DCHS2: variants seen among roughly 807,000 people sequenced by gnomAD.
DCHS2 encodes dachsous cadherin-related 2, also known as protocadherin-23.
DCHS2 carries 142 observed loss-of-function variants against 182.4 expected under a neutral mutation model. That is an observed-to-expected ratio of 0.78 (90% CI 0.68 to 0.89). The LOEUF (loss-of-function observed/expected upper bound fraction) is 0.89. DCHS2 is among the 40% of genes least tolerant of loss of function. The pLI is 0.00. For synonymous variants in DCHS2, 1,740 were observed against 1,663.3 expected, an observed-to-expected ratio of 1.05 and a Z score of -1.12; for missense variants, 4,319 against 4,198.6, an observed-to-expected ratio of 1.03 and a Z score of -0.79.
intron 14 of DCHS2, among the ~76,000 whole-genome samples, chr4:154,264,878 A>C (rs893071491): frequency 1.3e-5 from 2 of 152,160 alleles, no homozygotes; most frequent in Non-Finnish European, 2.9e-5. Flanking sequence ...AAAAATACTA[A>C]TAATGCCTAA....
At chr4:154,479,626 G>A (rs775618775) in intron 1 of DCHS2, among the ~76,000 whole-genome samples, 15 of 152,146 alleles carry the variant, frequency 9.9e-5, no homozygotes, top group Non-Finnish European at 1.8e-4. Flanking sequence ...GAATACTATT[G>A]TGTTCCAAAA....
intron 1 of DCHS2, among the ~76,000 whole-genome samples, chr4:154,457,663 G>A (rs1734826819): frequency 6.6e-6 from 1 of 152,098 alleles, no homozygotes; most frequent in African/African-American, 2.4e-5. Context: ...TGTTACATCT[G>A]GCTTATAACA....
intron 13 of DCHS2, among the ~76,000 whole-genome samples, chr4:154,290,046 A>G (rs1734581556): frequency 6.6e-6 from 1 of 152,104 alleles, no homozygotes; most frequent in African/African-American, 2.4e-5. Flanking sequence ...GGAAAAACCT[A>G]AAGACTCCTC....
intron 17 of DCHS2, 50 bp downstream of exon 17, chr4:154,242,592 T>C: frequency 6.4e-7 from 1 of 1,574,574 alleles, no homozygotes; most frequent in Non-Finnish European, 8.6e-7. Context: ...AAATGGTAAA[T>C]GATATTATAC....
chr4:154,235,786 T>C lies in DCHS2; in HGVS notation c.8866A>G (p.Met2956Val), dbSNP rs1578832854. ...SQLNKEDTLE[M>V]KIIAHSPKSD... ...TTGGGACTATGAGCGATTATTTTCA[T>C]TTCCAAGGTGTCTTCTTTGTTGAGT... Residue 2956 changes from methionine (M) to valine (V), a missense_variant, in exon 20 of 20, where the codon ATG becomes GTG. Transcript: ENST00000357232. 3 of 1,614,022 alleles carry C rather than the reference T, an allele frequency of 1.9e-6. No homozygotes were observed. Among genetic ancestry groups the C allele is most frequent in the Non-Finnish European group, 2.5e-6 (3 of 1,179,960 alleles).
At chr4:154,254,186 A>G (rs1040732868) in intron 16 of DCHS2, among the ~76,000 whole-genome samples, 2 of 152,196 alleles carry the variant, frequency 1.3e-5, no homozygotes, top group African/African-American at 4.8e-5. Flanking sequence ...AAAACACAAC[A>G]TCTATCTAAA....
At chr4:154,265,322 A>G (rs997503011) in intron 14 of DCHS2, among the ~76,000 whole-genome samples, 1 of 152,212 alleles carries the variant, frequency 6.6e-6, no homozygotes, top group African/African-American at 2.4e-5. Flanking sequence ...TCTCTTTAAC[A>G]TGTAATGGTT....
chr4:154,234,579 C>T lies in DCHS2; in HGVS notation c.10073G>A (p.Gly3358Asp), dbSNP rs746521776. 3.7e-6 allele frequency: 6 copies of T among 1,613,532 alleles called. No homozygotes were observed. The highest frequency in any genetic ancestry group is 5.1e-6 in the Non-Finnish European group (6 of 1,179,794). ...EGELLGTHISGTCHELKAEDE... is the reference protein window; with the variant it reads ...EGELLGTHISDTCHELKAEDE... ...TTCTGCTTTAAGTTCATGGCATGTA[C>T]CACTGATGTGTGTTCCTAATAATTC... The change falls in exon 20 of 20, where the codon GGT becomes GAT. Residue 3358 changes from glycine to aspartate, a missense_variant. Transcript: ENST00000357232.
chr4:154,414,721 C>T (rs1421120799), intron 1 of DCHS2, among the ~76,000 whole-genome samples: 1 of 151,930 alleles, frequency 6.6e-6, no homozygotes, highest in Non-Finnish European at 1.5e-5. Flanking sequence ...GGGGATAGGC[C>T]TTTTCTTACA....
chr4:154,234,936 C>T lies in DCHS2; in HGVS notation c.9716G>A (p.Ser3239Asn), dbSNP rs992327289. ...AAGAGGTTGGAATTTGGGCTCCCAA[C>T]TAAGAAGATAATTCCAGTGATAGTT... ...KDNYHWNYLL[S>N]WEPKFQPLAS... The change falls in exon 20 of 20, where the codon AGT (serine) becomes AAT (asparagine). Residue 3239 changes from serine to asparagine, a missense_variant. Ser to Asn is a conservative substitution (Grantham distance 46). Coordinates refer to ENST00000357232, the MANE Select transcript of DCHS2 (RefSeq NM_001358235.2). 11 of 1,614,010 alleles carry T rather than the reference C, an allele frequency of 6.8e-6. No homozygotes were observed. Among genetic ancestry groups the T allele is most frequent in the Non-Finnish European group, 9.3e-6 (11 of 1,179,932 alleles).
At chr4:154,325,316 CGTGTGTGTGTGTGTGTGTGT>C (rs75589397) in intron 7 of DCHS2, among the ~76,000 whole-genome samples, 3 of 142,764 alleles carry the variant, frequency 2.1e-5, no homozygotes, top group Non-Finnish European at 4.6e-5. Flanking sequence ...GGATTATAGC[CGTGTGTGTGTGTGTGTGTGT>C]GTGTGTGTGT....
At chr4:154,407,501 C>A (rs1732449921) in intron 1 of DCHS2, among the ~76,000 whole-genome samples, 1 of 152,168 alleles carries the variant, frequency 6.6e-6, no homozygotes, top group Non-Finnish European at 1.5e-5. Flanking sequence ...AAAACCTTTT[C>A]TTTTTCTTGT....
At chr4:154,355,010 T>G (rs994787263) in intron 3 of DCHS2, among the ~76,000 whole-genome samples, 57 of 152,250 alleles carry the variant, frequency 3.7e-4, no homozygotes, top group African/African-American at 1.3e-3. Context: ...TCCTAGTTAT[T>G]ATCAGTGATG....
At chr4:154,323,366 G>C (rs2111342016) in intron 7 of DCHS2, 1 of 1,537,728 alleles carries the variant, frequency 6.5e-7, no homozygotes, top group African/African-American at 1.4e-5. Context: ...GTCTCTTTCT[G>C]TTACCCAGGC....
At chr4:154,378,652 A>T (rs899802869) in intron 1 of DCHS2, among the ~76,000 whole-genome samples, 2 of 152,142 alleles carry the variant, frequency 1.3e-5, no homozygotes, top group African/African-American at 4.8e-5. Context: ...ACTAACGTTC[A>T]CTCTTCAGAT....
chr4:154,416,347 C>T (rs1043448755), intron 1 of DCHS2, among the ~76,000 whole-genome samples: 2 of 152,188 alleles, frequency 1.3e-5, no homozygotes, highest in Non-Finnish European at 1.5e-5. Flanking sequence ...CACAGCGCCC[C>T]CACCTCGCAT....
At position 154,321,168 on chromosome 4, in the gene DCHS2, T is replaced by A; in HGVS notation, c.4231A>T (p.Ile1411Phe). 1.9e-6 allele frequency: 3 copies of A among 1,587,634 alleles called. No homozygotes were observed. Among genetic ancestry groups the A allele is most frequent in the Non-Finnish European group, 2.6e-6 (3 of 1,164,080 alleles). Reference sequence around the variant, plus strand: ...GTGGGCTTCAAATTTTCTGGTATAATTAAATGTCTAATATTCTGAGACATG... The same window carrying A: ...GTGGGCTTCAAATTTTCTGGTATAAATAAATGTCTAATATTCTGAGACATG... The part of the protein sequence containing the change: ...AIMSQNIRHL[I>F]IPENLKPTKI... Residue 1411 changes from isoleucine (I) to phenylalanine (F), a missense_variant, in exon 9 of 20, where the codon ATT becomes TTT. By Grantham distance (21) the Ile-to-Phe change is conservative (BLOSUM62 0). Transcript: ENST00000357232.
chr4:154,402,018 A>G (rs937803264), intron 1 of DCHS2, among the ~76,000 whole-genome samples: 6 of 152,238 alleles, frequency 3.9e-5, no homozygotes, highest in Admixed American at 3.3e-4. Flanking sequence ...GTTGTCTTCT[A>G]GAAGCTTTGA....
At chr4:154,247,222 A>T (rs181454138) in intron 16 of DCHS2, among the ~76,000 whole-genome samples, 3 of 152,324 alleles carry the variant, frequency 2.0e-5, no homozygotes, top group African/African-American at 7.2e-5. Flanking sequence ...TATGCCTTTA[A>T]TCCCAGCACT....
Sources: gnomAD v4.1 joint callset for allele counts (sites outside exome capture counted in the v4.1 genomes callset) on GRCh38, gnomAD v4.1.1 for gene constraint, MANE v1.5 for transcripts, NCBI Gene and HGNC (gene_info 2026-07-23, HGNC 2026-07-21) for gene names.